CEP97: variants seen among roughly 807,000 people sequenced by gnomAD.
The protein encoded by CEP97 is centrosomal protein of 97 kDa.
CEP97 carries 43 observed loss-of-function variants against 73.1 expected under a neutral mutation model. That is an observed-to-expected ratio of 0.59 (90% CI 0.46 to 0.76). The LOEUF (loss-of-function observed/expected upper bound fraction) is 0.76, where lower values mean the gene tolerates loss of function less well. Ranked by LOEUF, CEP97 falls within the 30% of genes least tolerant of loss-of-function variation. CEP97 has a pLI of 0.00. For synonymous variants in CEP97, 337 were observed against 370.0 expected, an observed-to-expected ratio of 0.91 and a Z score of 1.02; for missense variants, 939 against 1,014.0, an observed-to-expected ratio of 0.93 and a Z score of 1.00.
At chr3:101,733,685 T>C (rs962188170) in intron 6 of CEP97, among the ~76,000 whole-genome samples, 2 of 150,470 alleles carry the variant, frequency 1.3e-5, no homozygotes, top group Non-Finnish European at 3.0e-5. Flanking sequence ...CGCCCGCCAC[T>C]ACGCCCGGCT....
At chr3:101,730,288 C>G (rs1273591693) in intron 4 of CEP97, among the ~76,000 whole-genome samples, 1 of 141,602 alleles carries the variant, frequency 7.1e-6, no homozygotes, top group Non-Finnish European at 1.6e-5. Flanking sequence ...TTTGTTGAGA[C>G]GGAGTTTTGC....
At chr3:101,732,144 A>G (rs997286875) in intron 5 of CEP97, among the ~76,000 whole-genome samples, 191 bp downstream of exon 5, 3 of 152,186 alleles carry the variant, frequency 2.0e-5, no homozygotes, top group African/African-American at 7.2e-5. Context: ...TTTCCTTTGT[A>G]AAGCTGTAAT....
intron 6 of CEP97, among the ~76,000 whole-genome samples, chr3:101,742,455 G>A (rs1353588072): frequency 6.6e-6 from 1 of 150,674 alleles, no homozygotes; most frequent in African/African-American, 2.4e-5. Flanking sequence ...GGATGAAGCT[G>A]GAAACCATCA....
Position 101,765,876 on chromosome 3 carries a change from A to C in CEP97, c.*325A>C. 5.8e-6 allele frequency: 1 copy of C among 171,194 alleles called. No individual in the cohort carries two copies. The highest frequency in any genetic ancestry group is 1.2e-5 in the Non-Finnish European group (1 of 81,018). The allele number at this position is 171,194 out of a possible 1,614,324, so 10.6% of individuals were successfully genotyped here. A position where few individuals can be genotyped will look rare whatever the true frequency, so the allele number is the denominator to read the frequency against. ...TTCAAAAATAAGCTAGAATATATTA[A>C]AGAAAATAGAAAAAATTACCTTAAA... On this transcript the variant is annotated 3_prime_UTR_variant, in exon 11 of 11. Coordinates refer to ENST00000341893, the MANE Select transcript of CEP97 (RefSeq NM_024548.4).
Position 101,755,527 on chromosome 3 carries a change from C to A in CEP97, c.826C>A (p.Leu276Ile). 6.2e-7 allele frequency: 1 copy of A among 1,614,144 alleles called. No individual in the cohort carries two copies. Among genetic ancestry groups the A allele is most frequent in the South Asian group, 1.1e-5 (1 of 91,082 alleles). The part of the protein sequence containing the change: ...LVQYLATVCP[L>I]TSTLGLQTAE... ...CCAATATCTGGCTACAGTCTGCCCC[C>A]TCACTTCTACACTAGGTCTTCAAAC... is the stretch of plus-strand genomic sequence containing the variant. Residue 276 changes from leucine (L) to isoleucine (I), a missense_variant, in exon 7 of 11, where the codon CTC becomes ATC. Coordinates refer to ENST00000341893, the MANE Select transcript of CEP97 (RefSeq NM_024548.4).
Position 101,755,468 on chromosome 3 carries a change from G to C in CEP97, c.767G>C (p.Arg256Thr). 1.2e-6 allele frequency: 2 copies of C among 1,614,152 alleles called. No individual in the cohort carries two copies. The highest frequency in any genetic ancestry group is 1.7e-6 in the Non-Finnish European group (2 of 1,180,026). ...AEWLYSQGKG[R>T]AYRPGQHIQL... ...TGGCTCTATAGTCAAGGCAAGGGGA[G>C]AGCATATCGGCCTGGCCAGCACATC... Residue 256 changes from arginine (R) to threonine (T), a missense_variant, in exon 7 of 11, where the codon AGA (arginine) becomes ACA (threonine). Transcript: ENST00000341893.
chr3:101,769,230 G>A lies in CEP97; in HGVS notation c.*3679G>A, dbSNP rs752973808. ...AACATTGATAATAAAAATATAAAAC[G>A]TTTTTCCTCGGGAGTTAAGATGGTA... On this transcript the variant is annotated 3_prime_UTR_variant, in exon 11 of 11. Coordinates refer to ENST00000341893, the MANE Select transcript of CEP97 (RefSeq NM_024548.4). 2.0e-5 allele frequency: 3 copies of A among 151,568 alleles called. No homozygotes were observed. Among genetic ancestry groups the A allele is most frequent in the South Asian group, 2.1e-4 (1 of 4,806 alleles). 9.4% of individuals were successfully genotyped at this position (151,568 alleles called of 1,614,324 possible).
Position 101,757,118 on chromosome 3 carries a change from G to T in CEP97, c.949G>T (p.Val317Phe). The change falls in exon 8 of 11, where the codon GTT becomes TTT. Residue 317 changes from valine to phenylalanine, a missense_variant. Transcript: ENST00000341893. ...QSQNEELSPL[V>F]PVETRASLIP... ...CCAAAATGAAGAGTTGTCTCCTCTT[G>T]TTCCTGTTGAAACAAGGGCATCCCT... The T allele has an allele frequency of 6.2e-7, 1 of 1,613,486 alleles. No individual in the cohort carries two copies. The highest frequency in any genetic ancestry group is 1.1e-5 in the South Asian group (1 of 90,958).
At position 101,742,733 on chromosome 3, in the gene CEP97, T is replaced by TA. The variant is rs1259730662; in HGVS notation, c.728+10094dup. Among the ~76,000 whole-genome samples the TA allele has an allele frequency of 6.7e-3, 891 of 133,414 alleles. 8 individuals are homozygous for TA. Among genetic ancestry groups the TA allele is most frequent in the African/African-American group, 0.019 (702 of 36,308 alleles). The allele number at this position is 133,414 out of a possible 152,430, so 87.5% of individuals were successfully genotyped here. ...CAAGTATCCCAGAACTTAAAGTATT[T>TA]AAAAAAAAAAAAAAAGTGTGGGAAG... On this transcript the variant is annotated intron_variant, in intron 6 of 10. Coordinates refer to ENST00000341893, the MANE Select transcript of CEP97 (RefSeq NM_024548.4).
chr3:101,745,660 A>G (rs1415225457), intron 6 of CEP97, among the ~76,000 whole-genome samples: 5 of 151,958 alleles, frequency 3.3e-5, no homozygotes, highest in South Asian at 2.1e-4. Flanking sequence ...GGCTTCAACA[A>G]TTGTCAATAT....
At chr3:101,726,315 G>A (rs1937887087) in intron 1 of CEP97, among the ~76,000 whole-genome samples, 2 of 152,096 alleles carry the variant, frequency 1.3e-5, no homozygotes, top group Admixed American at 1.3e-4. Flanking sequence ...GGAAGTAATC[G>A]TCCATATTTA....
chr3:101,748,628 G>A (rs1371257745), intron 6 of CEP97, among the ~76,000 whole-genome samples: 1 of 152,108 alleles, frequency 6.6e-6, no homozygotes, highest in Non-Finnish European at 1.5e-5. Flanking sequence ...CCACAGGGAT[G>A]TTTCCATGGA....
intron 6 of CEP97, among the ~76,000 whole-genome samples, chr3:101,733,578 T>C (rs1466619817): frequency 2.6e-5 from 4 of 151,966 alleles, no homozygotes; most frequent in Non-Finnish European, 4.4e-5. Context: ...TCGCCCAGAC[T>C]GGAGTGCAGT....
chr3:101,727,761 A>G (rs1024914164), intron 3 of CEP97, among the ~76,000 whole-genome samples: 1 of 152,246 alleles, frequency 6.6e-6, no homozygotes, highest in Admixed American at 6.5e-5. Context: ...AGAAAAAAGT[A>G]GATCAAACCA....
At position 101,757,826 on chromosome 3, in the gene CEP97, C is replaced by T. The variant is rs747688871; in HGVS notation, c.1220C>T (p.Pro407Leu). ...SLLSSESTFM[P>L]VASGLSPLSP... ...CTCTCTTCAGAGTCTACTTTTATGC[C>T]AGTTGCATCAGGACTGTCTCCACTA... The change falls in exon 9 of 11, where the codon CCA (proline) becomes CTA (leucine). Residue 407 changes from proline to leucine, a missense_variant. Coordinates refer to ENST00000341893, the MANE Select transcript of CEP97 (RefSeq NM_024548.4). The T allele has an allele frequency of 2.5e-6, 4 of 1,614,208 alleles. No individual in the cohort carries two copies. The highest frequency in any genetic ancestry group is 2.2e-5 in the South Asian group (2 of 91,082).
At chr3:101,750,078 G>A (rs1938757174) in intron 6 of CEP97, among the ~76,000 whole-genome samples, 1 of 142,586 alleles carries the variant, frequency 7.0e-6, no homozygotes, top group Admixed American at 7.0e-5. Context: ...CCATGCCTAT[G>A]TCCTGAATGG....
chr3:101,759,686 C>T (rs1394368981), intron 9 of CEP97, among the ~76,000 whole-genome samples: 1 of 152,152 alleles, frequency 6.6e-6, no homozygotes, highest in African/African-American at 2.4e-5. Context: ...AAGGGCCAGT[C>T]TTATCTTTGC....
chr3:101,755,453 G>A lies in CEP97; in HGVS notation c.752G>A (p.Ser251Asn). The A allele has an allele frequency of 6.2e-7, 1 of 1,614,108 alleles. No homozygotes were observed. Among genetic ancestry groups the A allele is most frequent in the East Asian group, 2.2e-5 (1 of 44,878 alleles). ...AGTTTGAAAGCTGAATGGCTCTATA[G>A]TCAAGGCAAGGGGAGAGCATATCGG... Reference protein sequence around the residue: ...KESLKAEWLYSQGKGRAYRPG... With the variant: ...KESLKAEWLYNQGKGRAYRPG... Residue 251 changes from serine (S) to asparagine (N), a missense_variant, in exon 7 of 11, where the codon AGT becomes AAT. Ser to Asn is a conservative substitution (Grantham distance 46). Transcript: ENST00000341893.
intron 10 of CEP97, 126 bp from the exon 11 acceptor site, chr3:101,764,721 T>C: frequency 1.3e-6 from 1 of 743,970 alleles, no homozygotes; most frequent in Admixed American, 3.0e-5. Flanking sequence ...AGGTTGATGC[T>C]GCAGTGAGCC....
Sources: gnomAD v4.1 joint callset for allele counts (sites outside exome capture counted in the v4.1 genomes callset) on GRCh38, gnomAD v4.1.1 for gene constraint, MANE v1.5 for transcripts, NCBI Gene and HGNC (gene_info 2026-07-23, HGNC 2026-07-21) for gene names.